Variants in FCHSD2 observed in about 807,000 individuals in gnomAD.
The protein encoded by FCHSD2 is FCH and double SH3 domains 2.
In FCHSD2, 38 loss-of-function variants were observed where a neutral mutation model predicts 108.1. The ratio of observed to expected loss-of-function variants is 0.35; its 90% CI spans 0.27 to 0.46. The LOEUF is 0.46. Among genes scored for constraint, FCHSD2 ranks in the 20% least tolerant of loss-of-function variants. The pLI, the probability that FCHSD2 is intolerant of heterozygous loss-of-function variation, is 1.00. For synonymous variants in FCHSD2, 279 were observed against 314.7 expected (o/e 0.89, Z 1.20); for missense variants, 751 against 897.8 (o/e 0.84, Z 2.09).
chr11:72,952,575 T>C (rs191276265), intron 8 of FCHSD2, among the ~76,000 whole-genome samples: 54 of 152,286 alleles, frequency 3.5e-4, no homozygotes, highest in African/African-American at 1.3e-3. Flanking sequence ...TCTACCGGCC[T>C]CGGCCTCTCA....
intron 3 of FCHSD2, among the ~76,000 whole-genome samples, chr11:73,041,753 C>T (rs1291088563): frequency 2.6e-5 from 4 of 151,990 alleles, no homozygotes; most frequent in African/African-American, 4.8e-5. Context: ...TTAATATAGT[C>T]CTATTTTTCA....
At chr11:72,867,843 T>C (rs1183233571) in intron 13 of FCHSD2, 22 bp downstream of exon 13, 5 of 1,602,258 alleles carry the variant, frequency 3.1e-6, no homozygotes, top group African/African-American at 2.7e-5. Context: ...CAACTTGTCA[T>C]ATCCAAGAAA....
In FCHSD2 at chr11:72,837,727, C is replaced by T. The variant is rs1038570707; in HGVS notation, c.*1064G>A. On this transcript the variant is annotated 3_prime_UTR_variant, in exon 20 of 20. Transcript: ENST00000409418. ...TTTCTCATAGAAAGCTGGTTTCCTCCACGAGCCACCAGGTTCTTCCTTCCA... is the reference window on the plus strand; with the variant it reads ...TTTCTCATAGAAAGCTGGTTTCCTCTACGAGCCACCAGGTTCTTCCTTCCA... 2.6e-5 allele frequency: 4 copies of T among 152,248 alleles called. No individual in the cohort carries two copies. The highest frequency in any genetic ancestry group is 4.8e-5 in the African/African-American group (2 of 41,464). The allele number at this position is 152,248 out of a possible 1,614,324, so 9.4% of individuals were successfully genotyped here. A position where few individuals can be genotyped will look rare whatever the true frequency, so the allele number is the denominator to read the frequency against.
At position 72,902,544 on chromosome 11, in the gene FCHSD2, G is replaced by T; in HGVS notation, c.923C>A (p.Thr308Asn). Residue 308 changes from threonine (T) to asparagine (N), a missense_variant and splice_region_variant, in exon 10 of 20, where the codon ACT (threonine) becomes AAT (asparagine). Transcript: ENST00000409418. ...PFQFQPCDSD[T>N]SRQLESETGT... ...AATGAAAATCTATAATTCCCTTACA[G>T]TATCACTGTCACAAGGCTGGAACTG... The T allele has an allele frequency of 1.3e-6, 2 of 1,566,216 alleles. No homozygotes were observed. The highest frequency in any genetic ancestry group is 1.7e-6 in the Non-Finnish European group (2 of 1,150,656).
rs555096855 is a variant in FCHSD2, at chr11:72,848,681, C to T, written c.1443+1074G>A. Among the ~76,000 whole-genome samples, 13 of 152,214 alleles carry T rather than the reference C, an allele frequency of 8.5e-5. No homozygotes were observed. In the East Asian group the frequency reaches 1.7e-3, roughly 20 times the overall value. On this transcript the variant is annotated intron_variant, in intron 14 of 19. Transcript: ENST00000409418. ...AAATAGATGTTCATAGTCTATTTAA[C>T]GCAGGGATGTGCCTGGGATATGCCA...
intron 3 of FCHSD2, among the ~76,000 whole-genome samples, chr11:73,018,795 T>G (rs1383252213): frequency 6.6e-6 from 1 of 152,206 alleles, no homozygotes; most frequent in Non-Finnish European, 1.5e-5. Context: ...AATAAATTCC[T>G]TGGTAAAATT....
At chr11:72,937,691 T>C (rs1012299371) in intron 8 of FCHSD2, among the ~76,000 whole-genome samples, 22 of 152,210 alleles carry the variant, frequency 1.4e-4, no homozygotes, top group African/African-American at 4.8e-4. Context: ...TGCTTAGCAT[T>C]AACTCTGTGT....
chr11:73,073,486 T>A (rs901367162), intron 3 of FCHSD2, among the ~76,000 whole-genome samples: 2 of 152,216 alleles, frequency 1.3e-5, no homozygotes, highest in East Asian at 3.8e-4. Flanking sequence ...AAAGAGGTAA[T>A]ACAAGTTTAC....
At chr11:73,132,468 G>A (rs931499853) in intron 2 of FCHSD2, among the ~76,000 whole-genome samples, 4 of 152,066 alleles carry the variant, frequency 2.6e-5, no homozygotes, top group African/African-American at 9.7e-5. Flanking sequence ...TTCAATCTAC[G>A]GCCTACCTTC....
At chr11:72,972,894 G>A (rs1857033521) in intron 8 of FCHSD2, among the ~76,000 whole-genome samples, 1 of 152,248 alleles carries the variant, frequency 6.6e-6, no homozygotes, top group Admixed American at 6.5e-5. Flanking sequence ...AATGCTGAAA[G>A]GTACAATAAA....
intron 3 of FCHSD2, among the ~76,000 whole-genome samples, chr11:73,066,254 T>G (rs143283322): frequency 6.6e-6 from 1 of 152,324 alleles, no homozygotes; most frequent in East Asian, 1.9e-4. Flanking sequence ...GGGAAAAGAT[T>G]ACCTATTTAA....
At chr11:72,864,178 T>C (rs545881438) in intron 13 of FCHSD2, among the ~76,000 whole-genome samples, 2 of 152,248 alleles carry the variant, frequency 1.3e-5, no homozygotes, top group East Asian at 3.9e-4. Flanking sequence ...AACGGGGAAG[T>C]GATGTTAACA....
At chr11:72,878,275 T>C (rs1428769539) in intron 12 of FCHSD2, among the ~76,000 whole-genome samples, 1 of 152,250 alleles carries the variant, frequency 6.6e-6, no homozygotes, top group East Asian at 1.9e-4. Flanking sequence ...GGGAAATATA[T>C]TGAGACCCTG....
At chr11:73,131,119 C>T (rs1210240781) in intron 2 of FCHSD2, among the ~76,000 whole-genome samples, 1 of 152,114 alleles carries the variant, frequency 6.6e-6, no homozygotes, top group African/African-American at 2.4e-5. Flanking sequence ...TGGTGGTTCA[C>T]GCCTGTAATC....
intron 2 of FCHSD2, among the ~76,000 whole-genome samples, chr11:73,096,377 CAAAAAAAAAAAAAAA>C (rs767268719): frequency 1.5e-5 from 1 of 68,358 alleles, no homozygotes; most frequent in Non-Finnish European, 2.8e-5. Context: ...CCTGCCTCTA[CAAAAAAAAAAAAAAA>C]AAAAAAAAAT....
At chr11:73,098,932 T>C (rs1192047082) in intron 2 of FCHSD2, among the ~76,000 whole-genome samples, 1 of 152,094 alleles carries the variant, frequency 6.6e-6, no homozygotes, top group Admixed American at 6.6e-5. Context: ...AAAATTTAAA[T>C]CCAGGTGCCA....
chr11:72,840,817 T>C lies in FCHSD2; in HGVS notation c.2139+60A>G, dbSNP rs180837744. On this transcript the variant is annotated intron_variant, in intron 19 of 19. Coordinates refer to ENST00000409418, the MANE Select transcript of FCHSD2 (RefSeq NM_014824.3). ...ACAGGGGCCACGGGGAAACATTAAT[T>C]CCTTACTTTCAATTTGGAAGAACTA... 2.1e-4 allele frequency: 266 copies of C among 1,249,892 alleles called. 1 individual carries two copies. In the East Asian group the frequency reaches 6.1e-3, roughly 29 times the overall value. The allele number at this position is 1,249,892 out of a possible 1,614,324, so 77.4% of individuals were successfully genotyped here.
At chr11:72,871,542 TA>T in intron 12 of FCHSD2, among the ~76,000 whole-genome samples, 1 of 152,114 alleles carries the variant, frequency 6.6e-6, no homozygotes. Context: ...TTAACCTAAG[TA>T]AAGTTCCACT....
intron 8 of FCHSD2, among the ~76,000 whole-genome samples, chr11:72,955,198 A>T (rs931160882): frequency 1.3e-5 from 2 of 152,174 alleles, no homozygotes; most frequent in Non-Finnish European, 2.9e-5. Context: ...CCAGCTAAAA[A>T]TTGGCGTTCC....
Sources: gnomAD v4.1 joint callset for allele counts (sites outside exome capture counted in the v4.1 genomes callset) on GRCh38, gnomAD v4.1.1 for gene constraint, MANE v1.5 for transcripts, NCBI Gene and HGNC (gene_info 2026-07-23, HGNC 2026-07-21) for gene names.